Variants in DISC1 observed in about 807,000 individuals in gnomAD.
DISC1 encodes disrupted in schizophrenia 1 protein.
A neutral mutation model predicts 84.5 loss-of-function variants in DISC1; 57 were observed. The observed-to-expected ratio is 0.67, with a 90% CI of 0.55 to 0.84. The LOEUF is 0.84. DISC1 is among the 40% of genes least tolerant of loss of function. DISC1 has a pLI of 0.00. For synonymous variants in DISC1, 411 were observed against 415.2 expected, an observed-to-expected ratio of 0.99 and a Z score of 0.12; for missense variants, 1,000 against 1,057.8, an observed-to-expected ratio of 0.95 and a Z score of 0.76.
In DISC1 at chr1:232,016,138, C is replaced by T. The variant is rs373996578; in HGVS notation, c.2307+7089C>T. 5.9e-4 allele frequency among the ~76,000 whole-genome samples: 90 copies of T among 152,286 alleles called. 1 individual carries two copies. Among genetic ancestry groups the T allele is most frequent in the Admixed American group, 1.3e-4 (2 of 15,296 alleles). On this transcript the variant is annotated intron_variant, in intron 11 of 12. Transcript: ENST00000439617. ...GGTGACATCCAGAACCAGGATTAAA[C>T]GCTGACATTTAAAAACAGTAACTAT...
chr1:231,841,415 C>T (rs59367339), intron 9 of DISC1, among the ~76,000 whole-genome samples: 5,258 of 152,328 alleles, frequency 0.035, 104 homozygotes, highest in African/African-American at 0.043. Flanking sequence ...GCGAGTCACC[C>T]CTCAAGGAGT....
At chr1:231,906,126 GAT>G (rs1404156749) in intron 9 of DISC1, among the ~76,000 whole-genome samples, 1 of 148,166 alleles carries the variant, frequency 6.7e-6, no homozygotes, top group Non-Finnish European at 1.5e-5. Context: ...AGGTTCAAGT[GAT>G]TCTCCTGCCT....
At chr1:231,744,993 T>C (rs1479453529) in intron 3 of DISC1, among the ~76,000 whole-genome samples, 1 of 151,880 alleles carries the variant, frequency 6.6e-6, no homozygotes, top group Non-Finnish European at 1.5e-5. Context: ...TTATAACTTG[T>C]ATAACATTTT....
intron 9 of DISC1, among the ~76,000 whole-genome samples, chr1:231,885,941 A>T (rs1250431408): frequency 6.6e-6 from 1 of 152,226 alleles, no homozygotes; most frequent in Non-Finnish European, 1.5e-5. Flanking sequence ...GAGCAGAAAC[A>T]TATTTCCTCA....
intron 10 of DISC1, among the ~76,000 whole-genome samples, chr1:231,998,250 A>T (rs1353179882): frequency 6.6e-6 from 1 of 152,246 alleles, no homozygotes; most frequent in Non-Finnish European, 1.5e-5. Flanking sequence ...AAATGAAACA[A>T]TATGAAGAAT....
intron 9 of DISC1, among the ~76,000 whole-genome samples, chr1:231,911,808 C>G (rs1007115903): frequency 4.6e-5 from 7 of 152,224 alleles, no homozygotes; most frequent in African/African-American, 7.2e-5. Flanking sequence ...CTTTCAGGTA[C>G]ACCAATCAGA....
intron 9 of DISC1, among the ~76,000 whole-genome samples, chr1:231,850,820 T>G (rs2083839926): frequency 6.6e-6 from 1 of 152,226 alleles, no homozygotes; most frequent in African/African-American, 2.4e-5. Flanking sequence ...CTGATATCTC[T>G]TGCTTTTGGG....
intron 5 of DISC1, 125 bp downstream of exon 5, chr1:231,767,394 C>T (rs1482822024): frequency 1.2e-5 from 16 of 1,369,376 alleles, no homozygotes; most frequent in East Asian, 2.5e-5. Flanking sequence ...CCTTGAGCTC[C>T]TGGGTGATTC....
At chr1:231,852,764 A>G (rs1028928336) in intron 9 of DISC1, among the ~76,000 whole-genome samples, 4 of 152,238 alleles carry the variant, frequency 2.6e-5, no homozygotes, top group Non-Finnish European at 5.9e-5. Context: ...CATCTTCCAT[A>G]TGGGATGAAG....
At chr1:231,999,819 C>A (rs1572567549) in intron 10 of DISC1, among the ~76,000 whole-genome samples, 1 of 131,622 alleles carries the variant, frequency 7.6e-6, no homozygotes, top group South Asian at 2.1e-4. Context: ...AGAAAAACAA[C>A]AACAACAACA....
At chr1:231,732,879 C>G (rs185111467) in intron 3 of DISC1, among the ~76,000 whole-genome samples, 1 of 96,516 alleles carries the variant, frequency 1.0e-5, no homozygotes, top group Non-Finnish European at 2.1e-5. Flanking sequence ...GATGATAGTA[C>G]GTGTGAGAGA....
chr1:231,907,247 A>C (rs562576662), intron 9 of DISC1, among the ~76,000 whole-genome samples: 3 of 150,786 alleles, frequency 2.0e-5, no homozygotes, highest in Non-Finnish European at 4.4e-5. Context: ...TACATGTGCC[A>C]TGTTGGTGTG....
At chr1:231,673,292 C>G (rs1304700103) in intron 1 of DISC1, among the ~76,000 whole-genome samples, 1 of 152,150 alleles carries the variant, frequency 6.6e-6, no homozygotes, top group Non-Finnish European at 1.5e-5. Flanking sequence ...ACTCAGCATC[C>G]TTTCCTTGGC....
At chr1:231,672,155 CTCT>C (rs1215526110) in intron 1 of DISC1, among the ~76,000 whole-genome samples, 1 of 151,702 alleles carries the variant, frequency 6.6e-6, no homozygotes, top group Admixed American at 6.6e-5. Flanking sequence ...TGTTTTTTTT[CTCT>C]TCTTGAAACG....
At chr1:231,892,931 TCAGGTGGATCA>T (rs1349196970) in intron 9 of DISC1, among the ~76,000 whole-genome samples, 1 of 152,082 alleles carries the variant, frequency 6.6e-6, no homozygotes. Flanking sequence ...GGAGGCCGAC[TCAGGTGGATCA>T]CCTGTGGTCA....
At chr1:231,767,415 GCCTC>G (rs768493359) in intron 5 of DISC1, 146 bp downstream of exon 5, 72 of 1,256,314 alleles carry the variant, frequency 5.7e-5, no homozygotes, top group Non-Finnish European at 7.1e-5. Flanking sequence ...TCCCACCTCA[GCCTC>G]CCAAGTAGCT....
chr1:231,800,490 G>A (rs1430481095), intron 8 of DISC1, among the ~76,000 whole-genome samples: 3 of 152,130 alleles, frequency 2.0e-5, no homozygotes, highest in Non-Finnish European at 2.9e-5. Context: ...GTAGCATTGT[G>A]TATCTGTAAA....
intron 10 of DISC1, among the ~76,000 whole-genome samples, chr1:231,966,260 A>G (rs901590462): frequency 6.6e-6 from 1 of 152,218 alleles, no homozygotes; most frequent in African/African-American, 2.4e-5. Flanking sequence ...TAGAATAGAA[A>G]AAAACGACTC....
intron 6 of DISC1, among the ~76,000 whole-genome samples, chr1:231,783,822 G>A (rs748069205): frequency 7.2e-5 from 11 of 152,152 alleles, no homozygotes; most frequent in South Asian, 2.1e-4. Flanking sequence ...CACTGCCTTC[G>A]CATCAGCACC....
Sources: gnomAD v4.1 joint callset for allele counts (sites outside exome capture counted in the v4.1 genomes callset) on GRCh38, gnomAD v4.1.1 for gene constraint, MANE v1.5 for transcripts, NCBI Gene and HGNC (gene_info 2026-07-23, HGNC 2026-07-21) for gene names.